KIF14: variants seen among roughly 807,000 people sequenced by gnomAD.
KIF14 encodes the protein kinesin family member 14, also known as kinesin-like protein KIF14.
In KIF14, 98 loss-of-function variants were observed where a neutral mutation model predicts 176.2. The observed-to-expected ratio is 0.56, with a 90% CI of 0.47 to 0.66. The LOEUF (loss-of-function observed/expected upper bound fraction) is 0.66, where lower values mean the gene tolerates loss of function less well. KIF14 is among the 30% of genes least tolerant of loss of function. The pLI is 0.00. For missense variants in KIF14, 1,751 were observed against 1,920.4 expected, an observed-to-expected ratio of 0.91 and a Z score of 1.65; for synonymous variants, 566 against 632.2, an observed-to-expected ratio of 0.90 and a Z score of 1.57.
chr1:200,587,472 T>C (rs1367465043), intron 18 of KIF14, among the ~76,000 whole-genome samples: 1 of 151,032 alleles, frequency 6.6e-6, no homozygotes, highest in East Asian at 1.9e-4. Context: ...ATTTAAAAGA[T>C]ACAAGAAATC....
intron 28 of KIF14, 65 bp downstream of exon 28, chr1:200,555,315 A>C: frequency 2.0e-6 from 2 of 1,014,258 alleles, no homozygotes; most frequent in Non-Finnish European, 3.0e-6. Flanking sequence ...AAAAATATCT[A>C]CATTTGAACC....
At chr1:200,614,221 T>A (rs1660293596) in intron 4 of KIF14, 97 bp downstream of exon 4, 1 of 632,078 alleles carries the variant, frequency 1.6e-6, no homozygotes, top group South Asian at 2.1e-5. Flanking sequence ...AGAACTGATC[T>A]TCCATTAAGT....
At chr1:200,556,307 T>A (rs1195598366) in intron 27 of KIF14, among the ~76,000 whole-genome samples, 1 of 151,456 alleles carries the variant, frequency 6.6e-6, no homozygotes, top group Non-Finnish European at 1.5e-5. Flanking sequence ...CTATGTGGTT[T>A]AAAAAAAAAC....
chr1:200,582,427 C>T (rs537360189), intron 19 of KIF14, among the ~76,000 whole-genome samples: 1 of 151,882 alleles, frequency 6.6e-6, no homozygotes, highest in African/African-American at 2.4e-5. Flanking sequence ...AAACTTATAA[C>T]CAGTAATCTA....
intron 10 of KIF14, among the ~76,000 whole-genome samples, chr1:200,602,293 A>C (rs1659666054): frequency 6.6e-6 from 1 of 152,160 alleles, no homozygotes. Context: ...ATCTGTGCAG[A>C]GATTCTAAAA....
chr1:200,567,374 T>G (rs1279512858), intron 23 of KIF14, among the ~76,000 whole-genome samples: 1 of 151,744 alleles, frequency 6.6e-6, no homozygotes, highest in Non-Finnish European at 1.5e-5. Flanking sequence ...ACCCCGTCTC[T>G]ACTAAAAATA....
At chr1:200,606,666 A>T in intron 6 of KIF14, 80 bp downstream of exon 6, 2 of 1,235,824 alleles carry the variant, frequency 1.6e-6, no homozygotes, top group African/African-American at 1.5e-5. Flanking sequence ...CAATGAGAAT[A>T]CAATAAAGAT....
Position 200,600,069 on chromosome 1 carries a change from T to C in KIF14, c.2345A>G (p.Gln782Arg). 1 of 1,592,834 alleles carries C rather than the reference T, an allele frequency of 6.3e-7. No homozygotes were observed. Among genetic ancestry groups the C allele is most frequent in the Non-Finnish European group, 8.6e-7 (1 of 1,163,392 alleles). Residue 782 changes from glutamine to arginine, a missense_variant, in exon 13 of 30, where the codon CAA becomes CGA. Transcript: ENST00000367350. ...TAATACCTGTAACTCTTTTGTTTCT[T>C]GAAGTTTTCTTTTTTCAGCTTGTTC... ...KFEQAEKRKLQETKELQKAGI... is the reference protein window; with the variant it reads ...KFEQAEKRKLRETKELQKAGI...
At chr1:200,558,079 C>T (rs114278415) in intron 27 of KIF14, among the ~76,000 whole-genome samples, 3,592 of 152,284 alleles carry the variant, frequency 0.024, 50 homozygotes, top group Non-Finnish European at 0.035. Flanking sequence ...CCTCAGCCTC[C>T]GGAGTAGCTG....
intron 19 of KIF14, among the ~76,000 whole-genome samples, chr1:200,584,634 C>T (rs937264609): frequency 6.6e-6 from 1 of 152,056 alleles, no homozygotes; most frequent in African/African-American, 2.4e-5. Flanking sequence ...GTGCAAAAAA[C>T]CTTTGACAAA....
At chr1:200,614,509 A>T in intron 3 of KIF14, 104 bp from the exon 4 acceptor site, 1 of 645,358 alleles carries the variant, frequency 1.5e-6, no homozygotes, top group Non-Finnish European at 2.7e-6. Flanking sequence ...AGTTCACTGA[A>T]TCTCATAATT....
chr1:200,558,738 T>C (rs527681232), intron 27 of KIF14, among the ~76,000 whole-genome samples: 1 of 152,308 alleles, frequency 6.6e-6, no homozygotes, highest in Non-Finnish European at 1.5e-5. Flanking sequence ...GAGCATTAAG[T>C]GACTTGCTAA....
At chr1:200,587,378 GA>G (rs1479749683) in intron 18 of KIF14, among the ~76,000 whole-genome samples, 1 of 116,694 alleles carries the variant, frequency 8.6e-6, no homozygotes, top group African/African-American at 3.2e-5. Context: ...CAAAAAGGCA[GA>G]AAAAAAAGAA....
Position 200,615,386 on chromosome 1 carries a change from A to G in KIF14, c.1336T>C (p.Tyr446His). Reference protein sequence around the residue: ...FEGFNTCLFAYGQTGSGKSYT... With the variant: ...FEGFNTCLFAHGQTGSGKSYT... Reference sequence around the variant, plus strand: ...GATTTTCCAGAGCCAGTCTGACCATAAGCAAAAAGACAGGTATTGAAGCCT... The same window carrying G: ...GATTTTCCAGAGCCAGTCTGACCATGAGCAAAAAGACAGGTATTGAAGCCT... Residue 446 changes from tyrosine (Y) to histidine (H), a missense_variant, in exon 3 of 30, where the codon TAT (tyrosine) becomes CAT (histidine). Transcript: ENST00000367350. The G allele has an allele frequency of 6.2e-7, 1 of 1,613,728 alleles. No homozygotes were observed. Among genetic ancestry groups the G allele is most frequent in the Non-Finnish European group, 8.5e-7 (1 of 1,179,820 alleles).
At position 200,605,822 on chromosome 1, in the gene KIF14, T is replaced by C. The variant is rs1659852037; in HGVS notation, c.1638+42A>G. 8.3e-6 allele frequency: 10 copies of C among 1,211,368 alleles called. No homozygotes were observed. The South Asian group carries it at 1.5e-4, about 18-fold the overall frequency. 75.0% of individuals were successfully genotyped at this position (1,211,368 alleles called of 1,614,324 possible). ...ATATTCTTATAAATATTTAGGATTA[T>C]GCTCTTTCTATCTAGTGAAAAGAAA... On this transcript the variant is annotated intron_variant, in intron 7 of 29. Transcript: ENST00000367350.
chr1:200,601,465 C>T (rs367965884), intron 11 of KIF14, among the ~76,000 whole-genome samples: 41 of 152,264 alleles, frequency 2.7e-4, no homozygotes, highest in African/African-American at 9.4e-4. Context: ...CAGTATTTAG[C>T]ATAAATGAAG....
intron 16 of KIF14, among the ~76,000 whole-genome samples, chr1:200,591,681 T>C (rs913106671): frequency 2.0e-5 from 3 of 152,218 alleles, no homozygotes; most frequent in Non-Finnish European, 4.4e-5. Flanking sequence ...GGGATTCTCC[T>C]CTATGGGACG....
At chr1:200,583,940 T>TA (rs112464901) in intron 19 of KIF14, among the ~76,000 whole-genome samples, 5,540 of 132,214 alleles carry the variant, frequency 0.042, 93 homozygotes, top group African/African-American at 0.045. Context: ...AAAAAGACTT[T>TA]AAAAAAAAAA....
At chr1:200,601,749 C>T in intron 11 of KIF14, 147 bp downstream of exon 11, 1 of 572,258 alleles carries the variant, frequency 1.7e-6, no homozygotes, top group Non-Finnish European at 3.0e-6. Context: ...TATCATCCTC[C>T]ATCACTATAG....
Sources: allele counts gnomAD v4.1 joint callset (sites outside exome capture counted in the v4.1 genomes callset), GRCh38; gene constraint gnomAD v4.1.1; transcripts MANE v1.5; gene names NCBI Gene and HGNC (gene_info 2026-07-23, HGNC 2026-07-21).